Variants in CALN1 observed in about 807,000 individuals in gnomAD.
CALN1 encodes the protein calneuron 1.
CALN1 carries 17 observed loss-of-function variants against 30.6 expected under a neutral mutation model. The ratio of observed to expected loss-of-function variants is 0.56; its 90% confidence interval spans 0.38 to 0.83. The LOEUF (loss-of-function observed/expected upper bound fraction) is 0.83. CALN1 is among the 40% of genes least tolerant of loss of function. The pLI is 0.00. For missense variants in CALN1, 291 were observed against 354.9 expected (o/e 0.82, Z 1.45); for synonymous variants, 156 against 131.4 (o/e 1.19, Z -1.28).
intron 5 of CALN1, among the ~76,000 whole-genome samples, chr7:71,816,858 C>T (rs192425419): frequency 1.3e-3 from 191 of 152,232 alleles, no homozygotes; most frequent in Admixed American, 5.0e-3. Flanking sequence ...ATCCCAGCTA[C>T]TCAGGAGGCT....
chr7:71,996,813 G>A (rs1199972928), intron 5 of CALN1, among the ~76,000 whole-genome samples: 2 of 151,992 alleles, frequency 1.3e-5, no homozygotes, highest in African/African-American at 4.8e-5. Flanking sequence ...TCACCATGAT[G>A]TTTCAACAAT....
rs565071116 is a variant in CALN1, at chr7:72,430,809, C to T, written c.-226+16233G>A. Reference sequence around the variant, plus strand: ...CCTAAGAGGATTTCAGTGCCACCTCCGGCTCTACCAACTGTTAAAGCATAT... The same window carrying T: ...CCTAAGAGGATTTCAGTGCCACCTCTGGCTCTACCAACTGTTAAAGCATAT... On this transcript the variant is annotated intron_variant, in intron 1 of 6. Transcript: ENST00000395276. Among the ~76,000 whole-genome samples, 48 of 152,170 alleles carry T rather than the reference C, an allele frequency of 3.2e-4. 1 individual carries two copies. The highest frequency in any genetic ancestry group is 3.1e-3 in the Admixed American group (48 of 15,276).
intron 5 of CALN1, among the ~76,000 whole-genome samples, chr7:71,893,159 C>A (rs1265873872): frequency 3.3e-5 from 5 of 152,134 alleles, no homozygotes; most frequent in African/African-American, 1.2e-4. Context: ...GGATCCTGCA[C>A]CCTCAGGGGA....
rs1302700070 is a variant in CALN1 at position 72,209,073 on chromosome 7, C to G, written c.244+69613G>C. Among the ~76,000 whole-genome samples the G allele has an allele frequency of 1.5e-5, 2 of 133,382 alleles. 1 individual carries two copies. The highest frequency in any genetic ancestry group is 5.7e-5 in the African/African-American group (2 of 34,910). The allele number at this position is 133,382 out of a possible 152,430, so 87.5% of individuals were successfully genotyped here. The stretch of plus-strand genomic sequence containing the variant: ...TTTCTCCTTCCCTCCATCCTGTCCT[C>G]TCTCCTTCCCTTCCCTCCTTTCTTG... On this transcript the variant is annotated intron_variant, in intron 3 of 6. Transcript: ENST00000395275.
chr7:71,877,454 AATAAG>A (rs561012113), intron 5 of CALN1, among the ~76,000 whole-genome samples: 66 of 152,304 alleles, frequency 4.3e-4, no homozygotes, highest in African/African-American at 1.5e-3. Flanking sequence ...CACTTGAATA[AATAAG>A]ATAATTTAAT....
chr7:72,404,539 T>G (rs145953748), intron 1 of CALN1, among the ~76,000 whole-genome samples: 1 of 151,828 alleles, frequency 6.6e-6, no homozygotes. Flanking sequence ...TCTGAGAGAG[T>G]TGTACCCATA....
intron 4 of CALN1, among the ~76,000 whole-genome samples, chr7:72,027,771 G>C (rs1801169878): frequency 6.7e-6 from 1 of 148,444 alleles, no homozygotes; most frequent in African/African-American, 2.5e-5. Flanking sequence ...AAACACATGA[G>C]ACCTGGCCGG....
At chr7:72,023,552 G>T in intron 5 of CALN1, 105 bp downstream of exon 5, 1 of 789,492 alleles carries the variant, frequency 1.3e-6, no homozygotes. Context: ...GCTCAGCCCA[G>T]AAGAGATCTT....
rs921261110 is a variant in CALN1, at chr7:71,890,742, C to G, written c.502-80250G>C. Among the ~76,000 whole-genome samples, 3 of 117,758 alleles carry G rather than the reference C, an allele frequency of 2.5e-5. No homozygotes were observed. In the Admixed American group the frequency reaches 3.3e-4, roughly 13 times the overall value. 77.3% of individuals were successfully genotyped at this position (117,758 alleles called of 152,430 possible). On this transcript the variant is annotated intron_variant, in intron 5 of 6. Coordinates refer to ENST00000395275, the MANE Select transcript of CALN1 (RefSeq NM_031468.4). The stretch of plus-strand genomic sequence containing the variant: ...AAGGTCAAATGTGCAATTTTGTTTT[C>G]TAGCTTTTTTTTTTTTTTTTTGAGA...
At chr7:72,272,478 C>T (rs1797061860) in intron 3 of CALN1, among the ~76,000 whole-genome samples, 1 of 152,070 alleles carries the variant, frequency 6.6e-6, no homozygotes, top group Non-Finnish European at 1.5e-5. Flanking sequence ...CGGAGAATCA[C>T]TTGAACCCAG....
chr7:72,199,023 C>T (rs1585145105), intron 3 of CALN1, among the ~76,000 whole-genome samples: 1 of 152,136 alleles, frequency 6.6e-6, no homozygotes, highest in Non-Finnish European at 1.5e-5. Flanking sequence ...GCCTGTAATC[C>T]CAGCACGTTG....
At chr7:72,430,027 G>A (rs963512842) in intron 1 of CALN1, among the ~76,000 whole-genome samples, 1 of 150,898 alleles carries the variant, frequency 6.6e-6, no homozygotes, top group Non-Finnish European at 1.5e-5. Context: ...CACCTTGTTG[G>A]CCAGGCTGGT....
intron 2 of CALN1, among the ~76,000 whole-genome samples, chr7:72,308,306 G>A (rs1004619804): frequency 2.0e-5 from 3 of 148,744 alleles, no homozygotes; most frequent in African/African-American, 7.6e-5. Context: ...GGAGGTTGCA[G>A]TGAGCTGAGA....
chr7:72,278,855 T>C (rs755989314), intron 2 of CALN1, 45 bp from the exon 3 acceptor site: 6 of 1,581,276 alleles, frequency 3.8e-6, no homozygotes, highest in Non-Finnish European at 5.2e-6. Flanking sequence ...GACATCATCA[T>C]TCATTCTTCC....
At chr7:72,370,300 G>A (rs910414455) in intron 2 of CALN1, among the ~76,000 whole-genome samples, 3 of 151,910 alleles carry the variant, frequency 2.0e-5, no homozygotes, top group African/African-American at 7.3e-5. Context: ...TTTATCTTGT[G>A]CTCATGTCTT....
chr7:71,830,918 C>T (rs992488797), intron 5 of CALN1, among the ~76,000 whole-genome samples: 6 of 152,144 alleles, frequency 3.9e-5, no homozygotes, highest in Admixed American at 2.6e-4. Context: ...AGTTTGTTAT[C>T]GCAGAGGTAA....
At chr7:72,374,697 G>A (rs896637414) in intron 2 of CALN1, among the ~76,000 whole-genome samples, 4 of 152,264 alleles carry the variant, frequency 2.6e-5, no homozygotes, top group East Asian at 1.9e-4. Context: ...TCAGGAACAA[G>A]GAAATGGTAT....
At chr7:72,336,144 G>C (rs975155555) in intron 2 of CALN1, among the ~76,000 whole-genome samples, 4 of 151,754 alleles carry the variant, frequency 2.6e-5, no homozygotes, top group African/African-American at 7.3e-5. Flanking sequence ...GGCGAGGAGC[G>C]TGCGCCCAGA....
At chr7:72,173,623 T>C (rs550122808) in intron 3 of CALN1, among the ~76,000 whole-genome samples, 45 of 152,194 alleles carry the variant, frequency 3.0e-4, no homozygotes, top group East Asian at 9.6e-4. Flanking sequence ...AGTCAAGAAA[T>C]AGAGATACAT....
Sources: gnomAD v4.1 joint callset for allele counts (sites outside exome capture counted in the v4.1 genomes callset) on GRCh38, gnomAD v4.1.1 for gene constraint, MANE v1.5 for transcripts, NCBI Gene and HGNC (gene_info 2026-07-23, HGNC 2026-07-21) for gene names.